Variants in TTC29 observed in about 807,000 individuals in gnomAD.
The protein encoded by TTC29 is tetratricopeptide repeat protein 29.
Under a neutral mutation model 58.1 loss-of-function variants are expected in TTC29, and 49 were observed. That is an observed-to-expected ratio of 0.84 (90% CI 0.67 to 1.07). The LOEUF (loss-of-function observed/expected upper bound fraction) is 1.07, where lower values mean the gene tolerates loss of function less well. TTC29 is among the 50% of genes least tolerant of loss of function. The pLI is 0.00. For missense variants in TTC29, 582 were observed against 555.6 expected (o/e 1.05, Z -0.48); for synonymous variants, 209 against 196.8 (o/e 1.06, Z -0.52).
chr4:146,719,477 C>T (rs778010549), intron 11 of TTC29, among the ~76,000 whole-genome samples: 8 of 152,074 alleles, frequency 5.3e-5, no homozygotes, highest in Non-Finnish European at 1.2e-4. Context: ...TCAATGAATT[C>T]AAAAGGAAGG....
intron 2 of TTC29, among the ~76,000 whole-genome samples, chr4:146,940,826 C>T (rs1012038285): frequency 7.9e-5 from 12 of 152,196 alleles, no homozygotes; most frequent in African/African-American, 2.9e-4. Flanking sequence ...GAAGCTTTAT[C>T]CCCTTTTAGG....
intron 11 of TTC29, among the ~76,000 whole-genome samples, chr4:146,775,333 T>C (rs1748010647): frequency 1.3e-5 from 2 of 152,190 alleles, no homozygotes; most frequent in African/African-American, 2.4e-5. Context: ...TGTGATTGCT[T>C]TATAGTGCCA....
At chr4:146,770,424 G>A (rs560824855) in intron 11 of TTC29, among the ~76,000 whole-genome samples, 25 of 149,820 alleles carry the variant, frequency 1.7e-4, no homozygotes, top group African/African-American at 6.3e-4. Flanking sequence ...ATGGGAAAAC[G>A]TTTTCACTTT....
intron 11 of TTC29, among the ~76,000 whole-genome samples, chr4:146,761,567 T>C (rs1015038731): frequency 2.0e-5 from 3 of 151,790 alleles, no homozygotes; most frequent in Non-Finnish European, 2.9e-5. Context: ...TGTGGGTGAA[T>C]AATATTTTTT....
chr4:146,742,597 CCTTCCCTCCCT>C (rs1745237128), intron 11 of TTC29, among the ~76,000 whole-genome samples: 1 of 151,274 alleles, frequency 6.6e-6, no homozygotes. Flanking sequence ...TCCCTCCCTT[CCTTCCCTCCCT>C]TCCTTCCCTC....
At chr4:146,841,479 T>C (rs1262621131) in intron 8 of TTC29, among the ~76,000 whole-genome samples, 1 of 152,086 alleles carries the variant, frequency 6.6e-6, no homozygotes, top group African/African-American at 2.4e-5. Context: ...AAAAACACCA[T>C]AGAAGCCATC....
chr4:146,794,002 A>G, intron 11 of TTC29, among the ~76,000 whole-genome samples: 1 of 152,180 alleles, frequency 6.6e-6, no homozygotes, highest in Non-Finnish European at 1.5e-5. Flanking sequence ...AATTAGTCAT[A>G]TAATTGTGTG....
At chr4:146,875,662 C>T (rs930141485) in intron 6 of TTC29, among the ~76,000 whole-genome samples, 1 of 152,138 alleles carries the variant, frequency 6.6e-6, no homozygotes, top group Non-Finnish European at 1.5e-5. Flanking sequence ...CAAATCCAAA[C>T]ATTATGGCGC....
At chr4:146,764,353 C>G (rs927788180) in intron 11 of TTC29, among the ~76,000 whole-genome samples, 1 of 151,958 alleles carries the variant, frequency 6.6e-6, no homozygotes, top group Non-Finnish European at 1.5e-5. Context: ...AGGGGCTACT[C>G]GAGAGAGATG....
intron 4 of TTC29, among the ~76,000 whole-genome samples, chr4:146,922,809 G>C (rs2150306627): frequency 6.6e-6 from 1 of 151,440 alleles, no homozygotes; most frequent in East Asian, 1.9e-4. Flanking sequence ...TATAGAAGAG[G>C]CTTTAACATT....
chr4:146,773,229 C>T (rs1235256125), intron 11 of TTC29, among the ~76,000 whole-genome samples: 1 of 152,072 alleles, frequency 6.6e-6, no homozygotes, highest in East Asian at 1.9e-4. Flanking sequence ...TGCCCTATTG[C>T]TCTGGCTGGG....
intron 11 of TTC29, among the ~76,000 whole-genome samples, chr4:146,795,626 A>AT (rs1749781456): frequency 6.6e-6 from 1 of 152,118 alleles, no homozygotes; most frequent in African/African-American, 2.4e-5. Context: ...CCATGAATAT[A>AT]TTTTTTCTAA....
At chr4:146,916,765 T>G (rs1355182861) in intron 4 of TTC29, among the ~76,000 whole-genome samples, 1 of 151,444 alleles carries the variant, frequency 6.6e-6, no homozygotes, top group Non-Finnish European at 1.5e-5. Flanking sequence ...GATATGCAAA[T>G]AAGTTGACAA....
At chr4:146,855,083 G>A (rs542152064) in intron 8 of TTC29, among the ~76,000 whole-genome samples, 1 of 152,122 alleles carries the variant, frequency 6.6e-6, no homozygotes, top group South Asian at 2.1e-4. Flanking sequence ...ATTCGCTTGA[G>A]GTCAGGAGTT....
chr4:146,817,724 C>A (rs1365249279), intron 10 of TTC29, among the ~76,000 whole-genome samples: 1 of 152,088 alleles, frequency 6.6e-6, no homozygotes, highest in Non-Finnish European at 1.5e-5. Context: ...GGTACTTGTA[C>A]CAAAACAGAG....
chr4:146,792,645 G>A (rs561957768), intron 11 of TTC29, among the ~76,000 whole-genome samples: 40 of 152,198 alleles, frequency 2.6e-4, no homozygotes, highest in Middle Eastern at 3.4e-3. Context: ...TTTTGACTTC[G>A]AAGTCTTATT....
At chr4:146,728,679 T>C (rs1002048244) in intron 11 of TTC29, among the ~76,000 whole-genome samples, 1 of 148,264 alleles carries the variant, frequency 6.7e-6, no homozygotes, top group African/African-American at 2.5e-5. Flanking sequence ...TACACATATA[T>C]GATTATATAT....
chr4:146,944,800 T>C (rs1027217921), intron 2 of TTC29, among the ~76,000 whole-genome samples: 1 of 138,146 alleles, frequency 7.2e-6, no homozygotes. Context: ...TATCACTAAT[T>C]ATGCTCCCTA....
intron 6 of TTC29, among the ~76,000 whole-genome samples, chr4:146,890,879 G>T (rs1386579892): frequency 6.6e-6 from 1 of 152,096 alleles, no homozygotes; most frequent in Non-Finnish European, 1.5e-5. Context: ...ATGCCAATGG[G>T]AGCAGAGTTC....
Sources: allele counts gnomAD v4.1 joint callset (sites outside exome capture counted in the v4.1 genomes callset), GRCh38; gene constraint gnomAD v4.1.1; transcripts MANE v1.5; gene names NCBI Gene and HGNC (gene_info 2026-07-23, HGNC 2026-07-21).